The following ARHGAP24 variants were observed in gnomAD, a reference collection of about 807,000 sequenced individuals.
ARHGAP24 encodes the protein Rho GTPase activating protein 24, also known as rho GTPase-activating protein 24.
A neutral mutation model predicts 76.4 loss-of-function variants in ARHGAP24; 50 were observed. That is an observed-to-expected ratio of 0.65 (90% CI 0.52 to 0.83). The LOEUF (loss-of-function observed/expected upper bound fraction) is 0.83. ARHGAP24 is among the 40% of genes least tolerant of loss of function. ARHGAP24 has a pLI of 0.00. For synonymous variants in ARHGAP24, 345 were observed against 323.3 expected, an observed-to-expected ratio of 1.07 and a Z score of -0.72; for missense variants, 930 against 914.2, an observed-to-expected ratio of 1.02 and a Z score of -0.22.
chr4:85,977,579 T>A lies in ARHGAP24; in HGVS notation c.816T>A (p.Asp272Glu). The change falls in exon 8 of 10, where the codon GAT becomes GAA. Residue 272 changes from aspartate to glutamate, a missense_variant. Transcript: ENST00000395184. ...NLLKYICRFLDEVQSYSGVNK... is the reference protein window; with the variant it reads ...NLLKYICRFLEEVQSYSGVNK... ...TGCTTATACTCCATAGATTCTTGGA[T>A]GAAGTACAGTCCTACTCGGGAGTTA... 1 of 1,613,706 alleles carries A rather than the reference T, an allele frequency of 6.2e-7. No homozygotes were observed. Among genetic ancestry groups the A allele is most frequent in the South Asian group, 1.1e-5 (1 of 91,042 alleles).
Position 86,000,693 on chromosome 4 carries a change from G to A in ARHGAP24, c.2218G>A (p.Glu740Lys), listed in dbSNP as rs368128335. 6.8e-6 allele frequency: 11 copies of A among 1,613,766 alleles called. No individual in the cohort carries two copies. The highest frequency in any genetic ancestry group is 1.1e-5 in the South Asian group (1 of 91,070). ...GELTVEPRRTERGNTIWIQ is the reference protein window; with the variant it reads ...GELTVEPRRTKRGNTIWIQ ...ACTGACAGTGGAACCCAGGAGAACCGAGAGAGGAAACACAATATGGATTCA... is the reference window on the plus strand; with the variant it reads ...ACTGACAGTGGAACCCAGGAGAACCAAGAGAGGAAACACAATATGGATTCA... Residue 740 changes from glutamate (E) to lysine (K), a missense_variant, in exon 10 of 10, where the codon GAG becomes AAG. Transcript: ENST00000395184.
At chr4:85,917,961 T>A (rs942482536) in intron 3 of ARHGAP24, among the ~76,000 whole-genome samples, 2 of 152,084 alleles carry the variant, frequency 1.3e-5, no homozygotes, top group Non-Finnish European at 2.9e-5. Flanking sequence ...ACTAAGAAAG[T>A]CCTAGTTACC....
intron 2 of ARHGAP24, among the ~76,000 whole-genome samples, chr4:85,662,081 G>A (rs1323098308): frequency 6.6e-6 from 1 of 152,172 alleles, no homozygotes; most frequent in Non-Finnish European, 1.5e-5. Flanking sequence ...AGATCCCTGA[G>A]GAATCGCCAC....
At chr4:85,520,416 T>C (rs1011737853) in intron 1 of ARHGAP24, among the ~76,000 whole-genome samples, 1 of 152,164 alleles carries the variant, frequency 6.6e-6, no homozygotes, top group African/African-American at 2.4e-5. Flanking sequence ...AGGAGCTTTC[T>C]TATAGAAGAT....
At chr4:85,536,253 A>G (rs1725468568) in intron 1 of ARHGAP24, among the ~76,000 whole-genome samples, 1 of 152,190 alleles carries the variant, frequency 6.6e-6, no homozygotes. Flanking sequence ...GGCAAGTGCC[A>G]CAAAAGAGAA....
rs1737883921 is a variant in ARHGAP24, at chr4:85,956,044, C to CAG, written c.599+13772_599+13773dup. Among the ~76,000 whole-genome samples the CAG allele has an allele frequency of 2.0e-5, 3 of 152,236 alleles. No individual in the cohort carries two copies. The South Asian group carries it at 6.2e-4, about 31-fold the overall frequency. On this transcript the variant is annotated intron_variant, in intron 5 of 9. Transcript: ENST00000395184. Reference sequence around the variant, plus strand: ...ATAGTGTGAATAAAAGATCTTAGGGCAGGGCTTGATGGAAGAAAGTGGAGA... The same window carrying CAG: ...ATAGTGTGAATAAAAGATCTTAGGGCAGAGGGCTTGATGGAAGAAAGTGGAGA...
chr4:85,939,774 T>A (rs1386720138), intron 4 of ARHGAP24, among the ~76,000 whole-genome samples: 1 of 152,170 alleles, frequency 6.6e-6, no homozygotes, highest in Non-Finnish European at 1.5e-5. Flanking sequence ...AACCCAAATA[T>A]TGGAAGTTTG....
intron 3 of ARHGAP24, among the ~76,000 whole-genome samples, chr4:85,765,467 G>C (rs1726896884): frequency 6.6e-6 from 1 of 152,052 alleles, no homozygotes; most frequent in East Asian, 1.9e-4. Context: ...TAATAAAAAA[G>C]ATTTTGGGGG....
chr4:85,831,461 C>T (rs923391517), intron 3 of ARHGAP24, among the ~76,000 whole-genome samples: 1 of 152,098 alleles, frequency 6.6e-6, no homozygotes, highest in Non-Finnish European at 1.5e-5. Flanking sequence ...TAAAGATTGG[C>T]ATGCTTTAAA....
chr4:85,734,636 A>ATTTTG (rs781034210), intron 3 of ARHGAP24, among the ~76,000 whole-genome samples: 1 of 101,958 alleles, frequency 9.8e-6, no homozygotes, highest in Non-Finnish European at 1.9e-5. Flanking sequence ...AATTCAGGGA[A>ATTTTG]TTTTTTTTTT....
chr4:85,609,828 G>A (rs1440487702), intron 2 of ARHGAP24, among the ~76,000 whole-genome samples: 6 of 152,098 alleles, frequency 3.9e-5, no homozygotes, highest in Non-Finnish European at 8.8e-5. Context: ...TCATTTCTTT[G>A]TTGTAAAAAT....
intron 3 of ARHGAP24, among the ~76,000 whole-genome samples, chr4:85,759,015 A>G (rs1216197764): frequency 6.6e-6 from 1 of 152,224 alleles, no homozygotes; most frequent in East Asian, 1.9e-4. Context: ...TGTATAACTC[A>G]GCTTACAATT....
At chr4:85,899,866 A>G (rs1164808080) in intron 3 of ARHGAP24, among the ~76,000 whole-genome samples, 1 of 152,248 alleles carries the variant, frequency 6.6e-6, no homozygotes, top group Non-Finnish European at 1.5e-5. Context: ...TGGGCAATGT[A>G]GGGAGAGACC....
rs1723184863 is a variant in ARHGAP24 at position 85,681,033 on chromosome 4, C to A, written c.181-40852C>A. ...TCCAGAAATGTGTCTTGAGGATACA[C>A]CTGAGCTTTTATACTGTAGAATGTT... On this transcript the variant is annotated intron_variant, in intron 2 of 9. Transcript: ENST00000395184. Among the ~76,000 whole-genome samples the A allele has an allele frequency of 1.3e-5, 2 of 152,034 alleles. 1 individual carries two copies. Among genetic ancestry groups the A allele is most frequent in the Admixed American group, 1.3e-4 (2 of 15,244 alleles).
At chr4:85,548,812 C>T (rs181012368) in intron 1 of ARHGAP24, among the ~76,000 whole-genome samples, 2 of 152,260 alleles carry the variant, frequency 1.3e-5, no homozygotes, top group Admixed American at 6.5e-5. Context: ...TCCCTTGTGC[C>T]CCTTTCCCGT....
At chr4:85,868,047 TG>T (rs1477251001) in intron 3 of ARHGAP24, among the ~76,000 whole-genome samples, 1 of 151,712 alleles carries the variant, frequency 6.6e-6, no homozygotes, top group Non-Finnish European at 1.5e-5. Context: ...TCAAAGTGGT[TG>T]GGTTGCAGCT....
chr4:85,839,843 C>CTTTTTTTTTTTTTTT lies in ARHGAP24; in HGVS notation c.269-83795_269-83781dup, dbSNP rs33974767. Among the ~76,000 whole-genome samples, 106 of 105,622 alleles carry CTTTTTTTTTTTTTTT rather than the reference C, an allele frequency of 1.0e-3. 1 individual carries two copies. Among genetic ancestry groups the CTTTTTTTTTTTTTTT allele is most frequent in the Non-Finnish European group, 1.2e-3 (69 of 55,642 alleles). 69.3% of individuals were successfully genotyped at this position (105,622 alleles called of 152,430 possible). A position where few individuals can be genotyped will look rare whatever the true frequency, so the allele number is the denominator to read the frequency against. On this transcript the variant is annotated intron_variant, in intron 3 of 9. Transcript: ENST00000395184. Reference sequence around the variant, plus strand: ...CTACCAAGTGTCTTTTTTCTGTTTTCTTTTTTTTTTTTTTTTTTTTTTTTG... The same window carrying CTTTTTTTTTTTTTTT: ...CTACCAAGTGTCTTTTTTCTGTTTTCTTTTTTTTTTTTTTTTTTTTTTTTTTTTTTTTTTTTTTTG...
intron 3 of ARHGAP24, among the ~76,000 whole-genome samples, chr4:85,843,917 T>C (rs1432335720): frequency 6.6e-6 from 1 of 152,156 alleles, no homozygotes; most frequent in Admixed American, 6.6e-5. Context: ...TGTATAAAAT[T>C]TTATCACTGA....
intron 3 of ARHGAP24, among the ~76,000 whole-genome samples, chr4:85,899,310 T>C (rs1391303008): frequency 6.6e-6 from 1 of 152,168 alleles, no homozygotes; most frequent in Admixed American, 6.5e-5. Flanking sequence ...GTAACCAAAA[T>C]AGAAATTTAG....
Sources: allele counts gnomAD v4.1 joint callset (sites outside exome capture counted in the v4.1 genomes callset), GRCh38; gene constraint gnomAD v4.1.1; transcripts MANE v1.5; gene names NCBI Gene and HGNC (gene_info 2026-07-23, HGNC 2026-07-21).